Variants in SORCS3 observed in about 807,000 individuals in gnomAD.
SORCS3 encodes the protein VPS10 domain-containing receptor SorCS3.
Under a neutral mutation model 146.3 loss-of-function variants are expected in SORCS3, and 57 were observed. The observed-to-expected ratio is 0.39, with a 90% CI of 0.31 to 0.49. The LOEUF is 0.49. Among genes scored for constraint, SORCS3 ranks in the 20% least tolerant of loss-of-function variants. The pLI, the probability that SORCS3 is intolerant of heterozygous loss-of-function variation, is 0.92. For missense variants in SORCS3, 1,341 were observed against 1,575.5 expected (o/e 0.85, Z 2.52); for synonymous variants, 653 against 618.5 (o/e 1.06, Z -0.83).
intron 1 of SORCS3, among the ~76,000 whole-genome samples, chr10:104,698,818 C>T (rs1164288306): frequency 3.9e-5 from 6 of 152,038 alleles, no homozygotes; most frequent in East Asian, 3.9e-4. Context: ...CCATCATGAG[C>T]TATGAAAACC....
intron 1 of SORCS3, among the ~76,000 whole-genome samples, chr10:104,741,024 C>T (rs2133460230): frequency 6.6e-6 from 1 of 152,092 alleles, no homozygotes; most frequent in Non-Finnish European, 1.5e-5. Flanking sequence ...TGCAATGGTC[C>T]TATCATAGCT....
At chr10:105,252,270 A>G (rs1270048597) in intron 22 of SORCS3, among the ~76,000 whole-genome samples, 4 of 152,222 alleles carry the variant, frequency 2.6e-5, no homozygotes, top group Admixed American at 2.6e-4. Context: ...GCCAGTGCCA[A>G]ATGAGGGAAC....
At chr10:104,902,628 C>T (rs2018863148) in intron 2 of SORCS3, among the ~76,000 whole-genome samples, 2 of 152,206 alleles carry the variant, frequency 1.3e-5, no homozygotes, top group African/African-American at 4.8e-5. Context: ...AAGTGGCTGT[C>T]TTCATCTTGT....
At chr10:104,950,860 T>G (rs2019421314) in intron 3 of SORCS3, among the ~76,000 whole-genome samples, 1 of 152,224 alleles carries the variant, frequency 6.6e-6, no homozygotes, top group South Asian at 2.1e-4. Flanking sequence ...CAAGCTTATA[T>G]ACAAATGGCT....
intron 6 of SORCS3, among the ~76,000 whole-genome samples, chr10:105,097,093 T>G (rs530464881): frequency 6.6e-6 from 1 of 152,126 alleles, no homozygotes; most frequent in African/African-American, 2.4e-5. Context: ...TTTTCAGTTG[T>G]GTGGTGTGGC....
intron 1 of SORCS3, among the ~76,000 whole-genome samples, chr10:104,738,197 ATG>A (rs1029540782): frequency 6.6e-6 from 1 of 152,226 alleles, no homozygotes; most frequent in African/African-American, 2.4e-5. Context: ...AGGTAGCCTG[ATG>A]TGACCGGCTT....
rs56299885 is a variant in SORCS3 at position 104,728,021 on chromosome 10, TTCTATCTATCTATCTA to T, written c.627+86104_627+86119del. 9.1e-3 allele frequency among the ~76,000 whole-genome samples: 1,334 copies of T among 146,700 alleles called. 15 individuals carry two copies. Among genetic ancestry groups the T allele is most frequent in the African/African-American group, 0.026 (1,015 of 39,506 alleles). Reference sequence around the variant, plus strand: ...GACCACTGCTTTATATATATAACAGTTCTATCTATCTATCTATCTATCTATCTATCTATCTATCTAT... The same window carrying T: ...GACCACTGCTTTATATATATAACAGTTCTATCTATCTATCTATCTATCTAT... On this transcript the variant is annotated intron_variant, in intron 1 of 26. Transcript: ENST00000369701.
chr10:104,672,826 A>G (rs369029454), intron 1 of SORCS3, among the ~76,000 whole-genome samples: 22 of 152,138 alleles, frequency 1.4e-4, no homozygotes, highest in African/African-American at 5.3e-4. Flanking sequence ...TATTTGGTCT[A>G]GTTGTTTTAT....
chr10:105,016,091 A>C (rs2055163823), intron 4 of SORCS3, among the ~76,000 whole-genome samples: 2 of 146,998 alleles, frequency 1.4e-5, no homozygotes, highest in African/African-American at 5.0e-5. Context: ...TTGTTTCATA[A>C]CTTAAATTTA....
intron 1 of SORCS3, 133 bp from the exon 2 acceptor site, chr10:104,842,659 C>T (rs562973124): frequency 1.6e-6 from 1 of 641,868 alleles, no homozygotes; most frequent in Admixed American, 2.8e-5. Flanking sequence ...TACCCCGCAA[C>T]TCAATGGATA....
At chr10:105,217,943 A>C in intron 19 of SORCS3, 1 of 452,392 alleles carries the variant, frequency 2.2e-6, no homozygotes, top group South Asian at 1.6e-5. Context: ...GTTCTTACTT[A>C]CATACCCCAC....
At chr10:105,176,028 G>A (rs912794163) in intron 13 of SORCS3, among the ~76,000 whole-genome samples, 2 of 152,128 alleles carry the variant, frequency 1.3e-5, no homozygotes, top group African/African-American at 4.8e-5. Flanking sequence ...GAACCATGTA[G>A]GCTGGCTGCT....
At chr10:104,846,121 G>A (rs890899889) in intron 2 of SORCS3, among the ~76,000 whole-genome samples, 8 of 152,266 alleles carry the variant, frequency 5.3e-5, no homozygotes, top group Admixed American at 5.2e-4. Context: ...TTAGGTTTCA[G>A]GAGGTTCATG....
chr10:104,719,475 C>T (rs1410722977), intron 1 of SORCS3, among the ~76,000 whole-genome samples: 2 of 152,210 alleles, frequency 1.3e-5, no homozygotes, highest in Non-Finnish European at 2.9e-5. Context: ...CTTCTGTATT[C>T]ATCTGAAAGA....
At chr10:105,054,054 A>C (rs1257176809) in intron 5 of SORCS3, among the ~76,000 whole-genome samples, 1 of 152,044 alleles carries the variant, frequency 6.6e-6, no homozygotes, top group Non-Finnish European at 1.5e-5. Flanking sequence ...TCCTTGTTTT[A>C]ATTTGCATTT....
chr10:104,942,738 C>G (rs1316095532), intron 3 of SORCS3, among the ~76,000 whole-genome samples: 1 of 152,064 alleles, frequency 6.6e-6, no homozygotes, highest in Non-Finnish European at 1.5e-5. Flanking sequence ...CACTCAATAC[C>G]CATTCATGAT....
At position 104,726,260 on chromosome 10, in the gene SORCS3, T is replaced by A. The variant is rs74155021; in HGVS notation, c.627+84306T>A. 4.1e-3 allele frequency among the ~76,000 whole-genome samples: 626 copies of A among 152,336 alleles called. 3 individuals are homozygous for A. The highest frequency in any genetic ancestry group is 0.014 in the African/African-American group (575 of 41,574). ...CCTGTACCCAGGAGAATGGACACCTTCCCCTCTGGGAGCCTTAGAGGAACA... is the reference window on the plus strand; with the variant it reads ...CCTGTACCCAGGAGAATGGACACCTACCCCTCTGGGAGCCTTAGAGGAACA... On this transcript the variant is annotated intron_variant, in intron 1 of 26. Transcript: ENST00000369701.
intron 3 of SORCS3, among the ~76,000 whole-genome samples, chr10:104,943,305 A>G (rs1387288074): frequency 6.6e-6 from 1 of 151,952 alleles, no homozygotes; most frequent in Admixed American, 6.6e-5. Flanking sequence ...AATGTTTTGT[A>G]TTTTAGTAGA....
At chr10:104,698,094 C>T (rs2016237876) in intron 1 of SORCS3, among the ~76,000 whole-genome samples, 1 of 152,168 alleles carries the variant, frequency 6.6e-6, no homozygotes, top group Non-Finnish European at 1.5e-5. Flanking sequence ...ACAACTCTTT[C>T]TAGGAAGTCA....
Sources: gnomAD v4.1 joint callset for allele counts (sites outside exome capture counted in the v4.1 genomes callset) on GRCh38, gnomAD v4.1.1 for gene constraint, MANE v1.5 for transcripts, NCBI Gene and HGNC (gene_info 2026-07-23, HGNC 2026-07-21) for gene names.